Variants in PLXNA4 observed in about 807,000 individuals in gnomAD.
The protein encoded by PLXNA4 is plexin-A4.
A neutral mutation model predicts 191.8 loss-of-function variants in PLXNA4; 44 were observed. That is an observed-to-expected ratio of 0.23 (90% CI 0.18 to 0.29). The LOEUF is 0.29. Among genes scored for constraint, PLXNA4 ranks in the 10% least tolerant of loss-of-function variants. The pLI, the probability that PLXNA4 is intolerant of heterozygous loss-of-function variation, is 1.00. For missense variants in PLXNA4, 1,800 were observed against 2,488.8 expected, an observed-to-expected ratio of 0.72 and a Z score of 5.89; for synonymous variants, 1,082 against 1,009.5, an observed-to-expected ratio of 1.07 and a Z score of -1.36.
chr7:132,573,754 G>A (rs544897451), intron 1 of PLXNA4, among the ~76,000 whole-genome samples: 2 of 152,314 alleles, frequency 1.3e-5, no homozygotes, highest in African/African-American at 2.4e-5. Flanking sequence ...ACAGATGAGA[G>A]CCCGGGGAGG....
chr7:132,297,154 C>T (rs1369468358), intron 4 of PLXNA4, among the ~76,000 whole-genome samples: 6 of 152,102 alleles, frequency 3.9e-5, no homozygotes, highest in African/African-American at 7.2e-5. Flanking sequence ...GTTCAGGCCA[C>T]GCTGACGAGG....
exon 1 of PLXNA4, chr7:132,648,531 A>T (rs553662240): frequency 6.6e-6 from 1 of 152,330 alleles, no homozygotes; most frequent in African/African-American, 2.4e-5. Flanking sequence ...GGGTAATTAA[A>T]GCAGAAGCAT....
intron 1 of PLXNA4, among the ~76,000 whole-genome samples, chr7:132,569,071 T>C (rs1801858800): frequency 6.6e-6 from 1 of 152,178 alleles, no homozygotes; most frequent in Non-Finnish European, 1.5e-5. Flanking sequence ...TGAGGGGAGT[T>C]GACTCATGCC....
chr7:132,223,614 G>A lies in PLXNA4; in HGVS notation c.2010C>T (p.Tyr670=), dbSNP rs778337015. 1 of 1,613,708 alleles carries A rather than the reference G, an allele frequency of 6.2e-7. No individual in the cohort carries two copies. Among genetic ancestry groups the A allele is most frequent in the South Asian group, 1.1e-5 (1 of 90,914 alleles). The part of the protein sequence containing the change: ...NSCLSCVESP[Y]RCHWCKYRHV... Reference sequence around the variant, plus strand: ...GCCGGTATTTACACCAGTGGCAGCGGTATGGACTCTCCACGCAGGACAGGC... The same window carrying A: ...GCCGGTATTTACACCAGTGGCAGCGATATGGACTCTCCACGCAGGACAGGC... Residue 670 remains tyrosine, a synonymous_variant, in exon 9 of 32, where the codon TAC becomes TAT. Coordinates refer to ENST00000321063, the MANE Select transcript of PLXNA4 (RefSeq NM_020911.2).
At chr7:132,571,444 C>T (rs780559115) in intron 1 of PLXNA4, among the ~76,000 whole-genome samples, 19 of 152,178 alleles carry the variant, frequency 1.2e-4, no homozygotes, top group African/African-American at 2.4e-4. Flanking sequence ...CACCCAGCAC[C>T]GCATGATGTC....
At chr7:132,444,331 T>G (rs555858182) in intron 3 of PLXNA4, among the ~76,000 whole-genome samples, 1 of 152,382 alleles carries the variant, frequency 6.6e-6, no homozygotes, top group African/African-American at 2.4e-5. Context: ...CTTGGCTCAC[T>G]GCAACCACCT....
chr7:132,360,580 T>C (rs1485831027), intron 3 of PLXNA4, among the ~76,000 whole-genome samples: 3 of 152,328 alleles, frequency 2.0e-5, no homozygotes, highest in Non-Finnish European at 2.9e-5. Context: ...ATGACAGGTC[T>C]TGCAGTGACA....
intron 3 of PLXNA4, among the ~76,000 whole-genome samples, chr7:132,429,392 G>A (rs55685628): frequency 0.07 from 9,919 of 142,632 alleles, 1,042 homozygotes; most frequent in African/African-American, 0.28. Flanking sequence ...ACTTTTCCCA[G>A]GAAGGGTCAG....
chr7:132,527,065 C>T (rs993428170), intron 1 of PLXNA4, among the ~76,000 whole-genome samples: 35 of 152,178 alleles, frequency 2.3e-4, no homozygotes, highest in African/African-American at 8.0e-4. Context: ...AATGTCCAGC[C>T]TTATGTTAGC....
At chr7:132,425,948 G>A (rs1795027260) in intron 3 of PLXNA4, among the ~76,000 whole-genome samples, 1 of 152,178 alleles carries the variant, frequency 6.6e-6, no homozygotes, top group Admixed American at 6.5e-5. Context: ...CCTGCTCAGT[G>A]GCCCCAACTC....
intron 1 of PLXNA4, among the ~76,000 whole-genome samples, chr7:132,573,295 A>G (rs1331116862): frequency 6.6e-6 from 1 of 152,088 alleles, no homozygotes; most frequent in Non-Finnish European, 1.5e-5. Context: ...CTTGTAACCC[A>G]CCACAGAGCC....
chr7:132,540,362 A>G (rs1800017715), intron 1 of PLXNA4, among the ~76,000 whole-genome samples: 1 of 152,086 alleles, frequency 6.6e-6, no homozygotes, highest in Admixed American at 6.5e-5. Flanking sequence ...TTAACATGCA[A>G]TTGCTTCAAA....
intron 2 of PLXNA4, among the ~76,000 whole-genome samples, chr7:132,496,932 C>A (rs1798041075): frequency 6.6e-6 from 1 of 152,160 alleles, no homozygotes; most frequent in African/African-American, 2.4e-5. Flanking sequence ...TTCTTCCTTT[C>A]CTGGGTCTGT....
At chr7:132,249,670 A>T (rs947167276) in intron 4 of PLXNA4, among the ~76,000 whole-genome samples, 3 of 152,242 alleles carry the variant, frequency 2.0e-5, no homozygotes, top group Admixed American at 2.0e-4. Context: ...GTCACGCAGC[A>T]GGGCGGTGGC....
chr7:132,285,227 T>C (rs1308993567), intron 4 of PLXNA4, among the ~76,000 whole-genome samples: 1 of 152,144 alleles, frequency 6.6e-6, no homozygotes, highest in Non-Finnish European at 1.5e-5. Context: ...GAAACGGAAA[T>C]ACGCAGAGAT....
intron 6 of PLXNA4, 48 bp downstream of exon 6, chr7:132,228,298 A>T: frequency 6.2e-7 from 1 of 1,609,382 alleles, no homozygotes; most frequent in East Asian, 2.2e-5. Flanking sequence ...GTGAGGGGAG[A>T]GTTTTCCTTG....
At chr7:132,422,472 G>A (rs960951293) in intron 3 of PLXNA4, among the ~76,000 whole-genome samples, 6 of 152,148 alleles carry the variant, frequency 3.9e-5, no homozygotes, top group Admixed American at 3.9e-4. Context: ...TCAAAAGTAC[G>A]GCTGCCGACT....
At chr7:132,561,050 C>T (rs1801016879) in intron 1 of PLXNA4, among the ~76,000 whole-genome samples, 1 of 152,054 alleles carries the variant, frequency 6.6e-6, no homozygotes, top group African/African-American at 2.4e-5. Context: ...TGACTGCTGC[C>T]TGATGGATAA....
intron 4 of PLXNA4, among the ~76,000 whole-genome samples, chr7:132,281,306 T>C (rs1019890985): frequency 6.6e-6 from 1 of 152,196 alleles, no homozygotes; most frequent in Non-Finnish European, 1.5e-5. Flanking sequence ...CAAGATTTTT[T>C]TTTTCAGTCT....
Sources: allele counts gnomAD v4.1 joint callset (sites outside exome capture counted in the v4.1 genomes callset), GRCh38; gene constraint gnomAD v4.1.1; transcripts MANE v1.5; gene names NCBI Gene and HGNC (gene_info 2026-07-23, HGNC 2026-07-21).